SAMD12: variants seen among roughly 807,000 people sequenced by gnomAD.
The protein encoded by SAMD12 is sterile alpha motif domain-containing protein 12.
SAMD12 carries 9 observed loss-of-function variants against 15.0 expected under a neutral mutation model. The observed-to-expected ratio is 0.60, with a 90% CI of 0.36 to 1.05. The LOEUF (loss-of-function observed/expected upper bound fraction) is 1.05. SAMD12 is among the 50% of genes least tolerant of loss of function. The pLI, the probability that SAMD12 is intolerant of heterozygous loss-of-function variation, is 0.01. For missense variants in SAMD12, 230 were observed against 234.2 expected, an observed-to-expected ratio of 0.98 and a Z score of 0.12; for synonymous variants, 86 against 90.1, an observed-to-expected ratio of 0.96 and a Z score of 0.25.
intron 4 of SAMD12, among the ~76,000 whole-genome samples, chr8:118,366,275 T>G (rs1177923776): frequency 6.6e-6 from 1 of 152,206 alleles, no homozygotes; most frequent in East Asian, 1.9e-4. Context: ...GACACATTTC[T>G]TCTAGACTGG....
At chr8:118,175,186 C>T in the SAMD12 span, among the ~76,000 whole-genome samples, 2 of 152,088 alleles carry the variant, frequency 1.3e-5, no homozygotes, top group African/African-American at 4.8e-5. Flanking sequence ...AATAAAGCTG[C>T]ACACCTACAA....
At chr8:118,297,966 T>G (rs148073917) in intron 4 of SAMD12, among the ~76,000 whole-genome samples, 1 of 152,324 alleles carries the variant, frequency 6.6e-6, no homozygotes, top group East Asian at 1.9e-4. Context: ...CTAAATGCAG[T>G]GGAAAGCAGT....
intron 4 of SAMD12, among the ~76,000 whole-genome samples, chr8:118,320,066 A>G (rs1263700916): frequency 6.6e-6 from 1 of 152,218 alleles, no homozygotes; most frequent in Non-Finnish European, 1.5e-5. Flanking sequence ...GGTAAGGAAA[A>G]GAAGAGTGAA....
At chr8:118,521,605 T>C (rs1825390269) in intron 2 of SAMD12, among the ~76,000 whole-genome samples, 1 of 152,230 alleles carries the variant, frequency 6.6e-6, no homozygotes. Context: ...ATGGCTGAAG[T>C]GACTGATGCG....
chr8:118,570,626 T>G (rs1826983138), intron 2 of SAMD12, among the ~76,000 whole-genome samples: 1 of 152,222 alleles, frequency 6.6e-6, no homozygotes, highest in South Asian at 2.1e-4. Flanking sequence ...GAATTTAGTT[T>G]AATTCCATAT....
At chr8:118,241,595 G>A (rs1375234273) in intron 4 of SAMD12, among the ~76,000 whole-genome samples, 1 of 152,122 alleles carries the variant, frequency 6.6e-6, no homozygotes, top group African/African-American at 2.4e-5. Context: ...GCATACTGCT[G>A]GCCTAGGGGA....
At chr8:118,241,310 T>C (rs1812557924) in intron 4 of SAMD12, among the ~76,000 whole-genome samples, 1 of 152,096 alleles carries the variant, frequency 6.6e-6, no homozygotes, top group Non-Finnish European at 1.5e-5. Context: ...TTGAAAACCA[T>C]AAATTATCTG....
intron 4 of SAMD12, among the ~76,000 whole-genome samples, chr8:118,266,853 G>A (rs1245479349): frequency 6.6e-6 from 1 of 152,044 alleles, no homozygotes; most frequent in Non-Finnish European, 1.5e-5. Flanking sequence ...GGGTTGAGGA[G>A]ATACTGGTCA....
At chr8:118,420,734 T>C (rs1318933496) in intron 3 of SAMD12, among the ~76,000 whole-genome samples, 2 of 152,150 alleles carry the variant, frequency 1.3e-5, no homozygotes, top group African/African-American at 4.8e-5. Flanking sequence ...TTTTCCTACA[T>C]TTAGTATGTA....
At chr8:118,608,013 A>G (rs1333675896) in intron 1 of SAMD12, among the ~76,000 whole-genome samples, 1 of 152,116 alleles carries the variant, frequency 6.6e-6, no homozygotes, top group Non-Finnish European at 1.5e-5. Flanking sequence ...ATAACCCTTT[A>G]TCTTCCTTCT....
intron 4 of SAMD12, among the ~76,000 whole-genome samples, chr8:118,200,053 G>A (rs1373346355): frequency 6.6e-6 from 1 of 152,050 alleles, no homozygotes; most frequent in Non-Finnish European, 1.5e-5. Flanking sequence ...GAGATCTGAT[G>A]GTTTTATAAC....
At chr8:118,487,405 C>A (rs995834403) in intron 2 of SAMD12, among the ~76,000 whole-genome samples, 13 of 152,152 alleles carry the variant, frequency 8.5e-5, no homozygotes, top group Non-Finnish European at 1.9e-4. Context: ...CCAGGCCACA[C>A]TGAACGTACA....
chr8:118,245,915 C>T (rs771635223), intron 4 of SAMD12, among the ~76,000 whole-genome samples: 7 of 152,156 alleles, frequency 4.6e-5, no homozygotes, highest in Non-Finnish European at 5.9e-5. Flanking sequence ...CCATTTTAGG[C>T]AGAAGGATTC....
At chr8:118,132,703 G>A in the SAMD12 span, among the ~76,000 whole-genome samples, 2 of 152,068 alleles carry the variant, frequency 1.3e-5, no homozygotes, top group East Asian at 3.9e-4. Flanking sequence ...ACAGCTCTTA[G>A]GAGCTACTTC....
intron 4 of SAMD12, among the ~76,000 whole-genome samples, chr8:118,212,522 C>T (rs4876804): frequency 0.3 from 45,027 of 151,990 alleles, 6,766 homozygotes; most frequent in African/African-American, 0.34. Context: ...CATAATAAAA[C>T]GAAACACACC....
intron 2 of SAMD12, among the ~76,000 whole-genome samples, chr8:118,512,744 C>G (rs1825122021): frequency 6.6e-6 from 1 of 152,156 alleles, no homozygotes; most frequent in Admixed American, 6.5e-5. Flanking sequence ...CCCTTTTGTG[C>G]CTCTTTGACA....
chr8:118,231,776 T>C (rs1269048040), intron 4 of SAMD12, among the ~76,000 whole-genome samples: 1 of 152,060 alleles, frequency 6.6e-6, no homozygotes, highest in Non-Finnish European at 1.5e-5. Flanking sequence ...TTACTAGGAG[T>C]AGTTGCCAGA....
Position 118,379,158 on chromosome 8 carries a change from C to T in SAMD12, c.*259G>A, listed in dbSNP as rs1409051648. 6 of 1,214,090 alleles carry T rather than the reference C, an allele frequency of 4.9e-6. No individual in the cohort carries two copies. The highest frequency in any genetic ancestry group is 6.2e-6 in the Non-Finnish European group (6 of 971,896). 75.2% of individuals were successfully genotyped at this position (1,214,090 alleles called of 1,614,324 possible). ...TTGAATCACTCAAATGCTAAAGCGC[C>T]CTCACAATTGGCGCAGGTGAAGATA... On this transcript the variant is annotated 3_prime_UTR_variant, in exon 4 of 4. Transcript: ENST00000314727.
intron 4 of SAMD12, among the ~76,000 whole-genome samples, chr8:118,298,263 T>A (rs1238869876): frequency 6.6e-6 from 1 of 152,214 alleles, no homozygotes; most frequent in Non-Finnish European, 1.5e-5. Flanking sequence ...ATAAACAACT[T>A]TATGCATTGT....
Sources: allele counts gnomAD v4.1 joint callset (sites outside exome capture counted in the v4.1 genomes callset), GRCh38; gene constraint gnomAD v4.1.1; transcripts MANE v1.5; gene names NCBI Gene and HGNC (gene_info 2026-07-23, HGNC 2026-07-21).